ATP13A4: variants seen among roughly 807,000 people sequenced by gnomAD.
ATP13A4 encodes the protein ATPase 13A4.
In ATP13A4, 114 loss-of-function variants were observed where a neutral mutation model predicts 142.5. That is an observed-to-expected ratio of 0.80 (90% CI 0.69 to 0.93). The LOEUF (loss-of-function observed/expected upper bound fraction) is 0.93. Ranked by LOEUF, ATP13A4 falls within the 40% of genes least tolerant of loss-of-function variation. The pLI is 0.00. For missense variants in ATP13A4, 1,392 were observed against 1,454.0 expected, an observed-to-expected ratio of 0.96 and a Z score of 0.69; for synonymous variants, 488 against 514.8, an observed-to-expected ratio of 0.95 and a Z score of 0.70.
intron 1 of ATP13A4, among the ~76,000 whole-genome samples, chr3:193,587,510 C>T (rs1724692591): frequency 6.6e-6 from 1 of 152,186 alleles, no homozygotes; most frequent in Admixed American, 6.5e-5. Context: ...TTAATCACAT[C>T]TGCAAAGAGC....
intron 2 of ATP13A4, among the ~76,000 whole-genome samples, chr3:193,509,417 G>T (rs1019366057): frequency 3.3e-5 from 5 of 152,164 alleles, no homozygotes; most frequent in African/African-American, 1.2e-4. Flanking sequence ...CAGCACTGTT[G>T]GCTGGCATAC....
intron 25 of ATP13A4, among the ~76,000 whole-genome samples, chr3:193,432,666 A>G (rs1260576657): frequency 6.6e-6 from 1 of 152,094 alleles, no homozygotes; most frequent in Non-Finnish European, 1.5e-5. Flanking sequence ...GATTCCAACT[A>G]TATAACATTC....
intron 2 of ATP13A4, among the ~76,000 whole-genome samples, chr3:193,575,791 T>A (rs7618196): frequency 0.43 from 65,520 of 152,074 alleles, 14,346 homozygotes; most frequent in Non-Finnish European, 0.44. Context: ...AGGTGGAAGT[T>A]TTTTTAAGTA....
intron 1 of ATP13A4, among the ~76,000 whole-genome samples, chr3:193,521,631 C>A (rs1381045005): frequency 1.3e-5 from 2 of 152,008 alleles, no homozygotes; most frequent in Non-Finnish European, 2.9e-5. Flanking sequence ...CTTTGCTGAA[C>A]CCTTAAAAAC....
chr3:193,527,511 C>T (rs776898962), intron 1 of ATP13A4, among the ~76,000 whole-genome samples: 14 of 151,686 alleles, frequency 9.2e-5, no homozygotes, highest in South Asian at 8.4e-4. Flanking sequence ...ACTTGGGAAG[C>T]GGAGGCATGA....
intron 8 of ATP13A4, among the ~76,000 whole-genome samples, chr3:193,475,084 TG>T: frequency 6.6e-6 from 1 of 152,202 alleles, no homozygotes; most frequent in East Asian, 1.9e-4. Flanking sequence ...AGAGAAATTT[TG>T]GCAATATTTT....
chr3:193,442,333 C>A, intron 19 of ATP13A4, 60 bp downstream of exon 19: 2 of 1,549,878 alleles, frequency 1.3e-6, no homozygotes, highest in South Asian at 1.1e-5. Context: ...CAAAGCTGCT[C>A]AGTCACCAAC....
intron 16 of ATP13A4, 146 bp from the exon 17 acceptor site, chr3:193,454,358 T>G: frequency 1.4e-6 from 1 of 696,786 alleles, no homozygotes. Flanking sequence ...ATTCTAAACA[T>G]AACTACATTG....
At chr3:193,490,607 C>G (rs953369335) in intron 6 of ATP13A4, among the ~76,000 whole-genome samples, 11 of 152,166 alleles carry the variant, frequency 7.2e-5, no homozygotes, top group African/African-American at 2.4e-4. Context: ...TAAATTCCCC[C>G]TAGCTGGTTT....
At chr3:193,521,793 T>A (rs1721732131) in intron 1 of ATP13A4, among the ~76,000 whole-genome samples, 1 of 151,858 alleles carries the variant, frequency 6.6e-6, no homozygotes, top group Non-Finnish European at 1.5e-5. Flanking sequence ...ATTAGCTGGG[T>A]GTGGTGGCAC....
Position 193,457,059 on chromosome 3 carries a change from C to T in ATP13A4, c.1856G>A (p.Arg619Gln), listed in dbSNP as rs996873260. ...TVIVQEMGGD[R>Q]LAFMKGAPER... The stretch of plus-strand genomic sequence containing the variant: ...TGGTGCACCTTTCATGAATGCCAGT[C>T]GGTCACCTCCCATCTCTTGGACAAT... Residue 619 changes from arginine to glutamine, a missense_variant, in exon 16 of 30, where the codon CGA becomes CAA. Physicochemically the swap from Arg to Gln is conservative, Grantham distance 43 (BLOSUM62 1). Transcript: ENST00000342695. 10 of 1,613,964 alleles carry T rather than the reference C, an allele frequency of 6.2e-6. No homozygotes were observed. The highest frequency in any genetic ancestry group is 1.7e-4 in the Middle Eastern group (1 of 6,026).
chr3:193,403,288 T>A (rs6444716), intron 29 of ATP13A4, among the ~76,000 whole-genome samples: 125,121 of 152,206 alleles, frequency 0.82, 51,529 homozygotes, highest in South Asian at 0.85. Flanking sequence ...ATGTGGCCCA[T>A]GTATGACATG....
chr3:193,571,855 T>G (rs1180838613), intron 2 of ATP13A4, among the ~76,000 whole-genome samples: 2 of 151,756 alleles, frequency 1.3e-5, no homozygotes, highest in African/African-American at 4.8e-5. Context: ...GCCTGTGAAA[T>G]AAAATAATAA....
At position 193,440,736 on chromosome 3, in the gene ATP13A4, C is replaced by T. The variant is rs77540595; in HGVS notation, c.2440-99G>A. 1.3e-3 allele frequency: 1,664 copies of T among 1,281,304 alleles called. 31 individuals are homozygous for T. The East Asian group carries it at 0.036, about 27-fold the overall frequency. The allele number at this position is 1,281,304 out of a possible 1,614,324, so 79.4% of individuals were successfully genotyped here. The stretch of plus-strand genomic sequence containing the variant: ...AATGTTGACTGCATCATGACACTTA[C>T]GATGAAGAAAAAAAAAAGTTTCCAA... On this transcript the variant is annotated intron_variant, in intron 20 of 29. Transcript: ENST00000342695.
chr3:193,509,388 T>C (rs1388821156), intron 2 of ATP13A4, among the ~76,000 whole-genome samples: 2 of 152,224 alleles, frequency 1.3e-5, no homozygotes, highest in Non-Finnish European at 2.9e-5. Flanking sequence ...CACACACACT[T>C]ACACACTTGC....
At chr3:193,580,404 C>T (rs2108746038) in intron 2 of ATP13A4, among the ~76,000 whole-genome samples, 1 of 152,154 alleles carries the variant, frequency 6.6e-6, no homozygotes. Context: ...ATTCTTAGGA[C>T]CATACAAAGT....
At chr3:193,513,044 A>G (rs1721223522) in intron 2 of ATP13A4, among the ~76,000 whole-genome samples, 1 of 152,194 alleles carries the variant, frequency 6.6e-6, no homozygotes, top group Non-Finnish European at 1.5e-5. Flanking sequence ...AAGAGTCTCT[A>G]GTAAAATTAT....
At chr3:193,416,332 T>G (rs894489914) in intron 25 of ATP13A4, among the ~76,000 whole-genome samples, 1 of 152,128 alleles carries the variant, frequency 6.6e-6, no homozygotes, top group African/African-American at 2.4e-5. Context: ...ATGGACAGAA[T>G]TTGTCCCTGA....
In ATP13A4 at chr3:193,489,781, G is replaced by A. The variant is rs201200518; in HGVS notation, c.687C>T (p.Ile229=). ...SEDYKEYAFA[I]IIMSIISISL... ...ATATGGAAATTATGGACATGATTAT[G>A]ATGGCAAAAGCATATTCCTTATAGT... Residue 229 remains isoleucine (I), a synonymous_variant, in exon 7 of 30, where the codon ATC becomes ATT. Transcript: ENST00000342695. The A allele has an allele frequency of 6.6e-5, 106 of 1,610,770 alleles. 1 individual carries two copies. Among genetic ancestry groups the A allele is most frequent in the Non-Finnish European group, 9.3e-6 (11 of 1,177,164 alleles).
Sources: allele counts gnomAD v4.1 joint callset (sites outside exome capture counted in the v4.1 genomes callset), GRCh38; gene constraint gnomAD v4.1.1; transcripts MANE v1.5; gene names NCBI Gene and HGNC (gene_info 2026-07-23, HGNC 2026-07-21).